Variants in PSD3 observed in about 807,000 individuals in gnomAD.
PSD3 encodes PH and SEC7 domain-containing protein 3.
In PSD3, 49 loss-of-function variants were observed where a neutral mutation model predicts 105.5. The ratio of observed to expected loss-of-function variants is 0.46; its 90% CI spans 0.37 to 0.59. The LOEUF (loss-of-function observed/expected upper bound fraction) is 0.59. Among genes scored for constraint, PSD3 ranks in the 20% least tolerant of loss-of-function variants. The probability of loss-of-function intolerance (pLI) is 0.00; values close to 1 mark genes in which losing one functional copy is unlikely to be tolerated. For missense variants in PSD3, 1,561 were observed against 1,263.8 expected (o/e 1.24, Z -3.57); for synonymous variants, 557 against 457.8 (o/e 1.22, Z -2.77).
intron 9 of PSD3, among the ~76,000 whole-genome samples, chr8:18,671,186 T>C (rs1799761913): frequency 6.6e-6 from 1 of 152,110 alleles, no homozygotes; most frequent in African/African-American, 2.4e-5. Flanking sequence ...TCACACCTGC[T>C]TCTACGTCCT....
At chr8:19,072,646 G>C (rs1361527666) in intron 1 of PSD3, among the ~76,000 whole-genome samples, 4 of 152,178 alleles carry the variant, frequency 2.6e-5, no homozygotes, top group Non-Finnish European at 5.9e-5. Flanking sequence ...AATGCAACCA[G>C]GACACAGAAG....
At chr8:18,856,212 C>T (rs149822157) in intron 4 of PSD3, among the ~76,000 whole-genome samples, 7,217 of 152,306 alleles carry the variant, frequency 0.047, 211 homozygotes, top group Admixed American at 0.095. Flanking sequence ...TGACATCCCA[C>T]GATGCAAGTA....
chr8:18,852,526 G>A (rs1815671949), intron 4 of PSD3, among the ~76,000 whole-genome samples: 1 of 152,186 alleles, frequency 6.6e-6, no homozygotes, highest in Admixed American at 6.5e-5. Context: ...CCATATTTAT[G>A]AAACTGACAT....
Position 18,997,497 on chromosome 8 carries a change from A to G in PSD3, c.21+16066T>C, listed in dbSNP as rs535226973. Among the ~76,000 whole-genome samples the G allele has an allele frequency of 1.4e-3, 218 of 152,048 alleles. 2 individuals carry two copies. The highest frequency in any genetic ancestry group is 6.8e-3 in the Middle Eastern group (2 of 292). On this transcript the variant is annotated intron_variant, in intron 1 of 15. Coordinates refer to ENST00000327040, the MANE Select transcript of PSD3 (RefSeq NM_015310.4). The stretch of plus-strand genomic sequence containing the variant: ...CTTCCACTCTTCCCCGCTTCAGTCT[A>G]TTCTCATGAGACACAGCAGCAGCAT...
At chr8:18,958,919 G>GT (rs71218911) in intron 1 of PSD3, among the ~76,000 whole-genome samples, 21,050 of 114,826 alleles carry the variant, frequency 0.18, 1,635 homozygotes, top group East Asian at 0.31. Flanking sequence ...GTTAAGTGGT[G>GT]TTTTTTTTTT....
At chr8:19,049,642 G>T (rs1032433743) in intron 1 of PSD3, among the ~76,000 whole-genome samples, 9 of 128,032 alleles carry the variant, frequency 7.0e-5, no homozygotes, top group African/African-American at 2.7e-4. Flanking sequence ...TGTGAGCCAC[G>T]ATTGCTCCAC....
chr8:18,932,361 A>G (rs958038918), intron 2 of PSD3, among the ~76,000 whole-genome samples: 1 of 152,238 alleles, frequency 6.6e-6, no homozygotes, highest in African/African-American at 2.4e-5. Context: ...AGCTGTGAGA[A>G]GTAATTACAG....
At chr8:18,996,243 A>C (rs1328455974) in intron 1 of PSD3, among the ~76,000 whole-genome samples, 2 of 151,992 alleles carry the variant, frequency 1.3e-5, no homozygotes, top group Middle Eastern at 3.2e-3. Context: ...GATCTTATAC[A>C]TGCTTAATGG....
intron 15 of PSD3, among the ~76,000 whole-genome samples, chr8:18,542,335 G>A (rs548875287): frequency 6.6e-6 from 1 of 152,286 alleles, no homozygotes; most frequent in South Asian, 2.1e-4. Context: ...AGTATCAGGA[G>A]CTCATTTACC....
chr8:18,886,948 C>A (rs1818485755), intron 2 of PSD3: 1 of 152,176 alleles, frequency 6.6e-6, no homozygotes, highest in Admixed American at 6.5e-5. Context: ...AAAACAGCCA[C>A]CGTAGGGCGT....
At chr8:18,606,897 T>C (rs1355158853) in intron 11 of PSD3, among the ~76,000 whole-genome samples, 1 of 152,224 alleles carries the variant, frequency 6.6e-6, no homozygotes, top group African/African-American at 2.4e-5. Context: ...GGTATTATTG[T>C]CTCTGTTTTA....
At chr8:18,748,604 G>T (rs956127197) in intron 9 of PSD3, among the ~76,000 whole-genome samples, 6 of 148,242 alleles carry the variant, frequency 4.0e-5, no homozygotes, top group African/African-American at 1.5e-4. Context: ...AGCTTGCAGT[G>T]AGCTGAGATC....
intron 10 of PSD3, among the ~76,000 whole-genome samples, chr8:18,634,900 G>A (rs1807149507): frequency 6.6e-6 from 1 of 151,982 alleles, no homozygotes; most frequent in Non-Finnish European, 1.5e-5. Context: ...GTGTTTTTGG[G>A]GAGATATCTT....
At chr8:19,015,962 A>G (rs1325420839), upstream of PSD3, among the ~76,000 whole-genome samples, 1 of 152,262 alleles carries the variant, frequency 6.6e-6, no homozygotes. Flanking sequence ...TCGTCCAGTT[A>G]TAAATAATCA....
intron 9 of PSD3, among the ~76,000 whole-genome samples, chr8:18,748,099 T>A (rs1469108488): frequency 6.6e-6 from 1 of 152,162 alleles, no homozygotes; most frequent in African/African-American, 2.4e-5. Context: ...TTTAATCCTA[T>A]TTCTCATATG....
intron 1 of PSD3, among the ~76,000 whole-genome samples, chr8:18,942,984 T>C (rs1311374021): frequency 2.0e-5 from 3 of 152,256 alleles, no homozygotes; most frequent in Admixed American, 2.0e-4. Flanking sequence ...AGGAGGAATG[T>C]GGGTTTGAAG....
At chr8:18,791,849 G>T (rs1241934075) in intron 8 of PSD3, among the ~76,000 whole-genome samples, 1 of 152,124 alleles carries the variant, frequency 6.6e-6, no homozygotes, top group Non-Finnish European at 1.5e-5. Context: ...CTAATACCCG[G>T]CACCTACAAG....
At chr8:18,544,850 C>A (rs1401421907) in intron 15 of PSD3, among the ~76,000 whole-genome samples, 1 of 152,074 alleles carries the variant, frequency 6.6e-6, no homozygotes, top group Non-Finnish European at 1.5e-5. Flanking sequence ...CTCTTCAGTG[C>A]CCCTACGGAG....
rs556271763 is a variant in PSD3, at chr8:18,585,700, T to C, written c.2482-10415A>G. Among the ~76,000 whole-genome samples, 11 of 152,000 alleles carry C rather than the reference T, an allele frequency of 7.2e-5. No individual in the cohort carries two copies. In the East Asian group the frequency reaches 2.1e-3, roughly 29 times the overall value. On this transcript the variant is annotated intron_variant, in intron 12 of 15. Transcript: ENST00000327040. ...AAAATACTCTCATTTCTTATAAGAG[T>C]CGTCAGGAAGGGAACCAATATTTAC...
Sources: gnomAD v4.1 joint callset for allele counts (sites outside exome capture counted in the v4.1 genomes callset) on GRCh38, gnomAD v4.1.1 for gene constraint, MANE v1.5 for transcripts, NCBI Gene and HGNC (gene_info 2026-07-23, HGNC 2026-07-21) for gene names.